Variants in ATRNL1 observed in about 807,000 individuals in gnomAD.
ATRNL1 encodes attractin-like protein 1.
A neutral mutation model predicts 182.7 loss-of-function variants in ATRNL1; 95 were observed. The ratio of observed to expected loss-of-function variants is 0.52; its 90% CI spans 0.44 to 0.62. The LOEUF (loss-of-function observed/expected upper bound fraction) is 0.62, where lower values mean the gene tolerates loss of function less well. Ranked by LOEUF, ATRNL1 falls within the 20% of genes least tolerant of loss-of-function variation. The probability of loss-of-function intolerance (pLI) is 0.00; values close to 1 mark genes in which losing one functional copy is unlikely to be tolerated. For missense variants in ATRNL1, 1,471 were observed against 1,679.5 expected (o/e 0.88, Z 2.17); for synonymous variants, 576 against 568.3 (o/e 1.01, Z -0.19).
intron 26 of ATRNL1, among the ~76,000 whole-genome samples, chr10:115,666,333 A>G (rs1860998429): frequency 6.6e-6 from 1 of 152,036 alleles, no homozygotes; most frequent in East Asian, 1.9e-4. Flanking sequence ...TGACTAGTTT[A>G]TTGTTGCTTT....
intron 4 of ATRNL1, 124 bp from the exon 5 acceptor site, chr10:115,129,203 T>C: frequency 1.5e-6 from 1 of 665,382 alleles, no homozygotes; most frequent in Non-Finnish European, 2.5e-6. Flanking sequence ...AACTACATTG[T>C]GAAATTCTGT....
chr10:115,111,410 C>T (rs555444312), intron 1 of ATRNL1, among the ~76,000 whole-genome samples: 4 of 152,302 alleles, frequency 2.6e-5, no homozygotes, highest in East Asian at 1.9e-4. Context: ...TTGTTTGGCT[C>T]ATGATTCTGC....
At chr10:115,506,335 C>A (rs1554981295) in intron 24 of ATRNL1, among the ~76,000 whole-genome samples, 1 of 151,118 alleles carries the variant, frequency 6.6e-6, no homozygotes, top group African/African-American at 2.4e-5. Flanking sequence ...ACAACAACAA[C>A]AAAAACAGTT....
At chr10:115,252,469 G>A (rs942659312) in intron 10 of ATRNL1, among the ~76,000 whole-genome samples, 31 of 152,196 alleles carry the variant, frequency 2.0e-4, no homozygotes, top group African/African-American at 7.2e-4. Flanking sequence ...TCTGCCCTGC[G>A]CCACAGGTCA....
chr10:115,140,425 C>T (rs1038495774), intron 5 of ATRNL1, among the ~76,000 whole-genome samples: 5 of 152,182 alleles, frequency 3.3e-5, no homozygotes, highest in Non-Finnish European at 7.4e-5. Context: ...CTCATGTCTA[C>T]TCAGAGAAAC....
chr10:115,187,987 A>C lies in ATRNL1; in HGVS notation c.1348+16695A>C, dbSNP rs1201925834. ...GAGCCACCGCACCCAGCTGGTTCTT[A>C]AGAAATACACACCAAAGTATTAAGG... On this transcript the variant is annotated intron_variant, in intron 8 of 28. Transcript: ENST00000355044. Among the ~76,000 whole-genome samples the C allele has an allele frequency of 4.0e-5, 6 of 150,098 alleles. No homozygotes were observed. In the East Asian group the frequency reaches 1.2e-3, roughly 30 times the overall value.
chr10:115,919,500 T>C (rs1555118157), intron 28 of ATRNL1, among the ~76,000 whole-genome samples: 1 of 152,052 alleles, frequency 6.6e-6, no homozygotes, highest in East Asian at 1.9e-4. Context: ...CATCAAAAAC[T>C]GCAAAATTTA....
At chr10:115,252,376 T>C (rs772938421) in intron 10 of ATRNL1, among the ~76,000 whole-genome samples, 28 of 152,220 alleles carry the variant, frequency 1.8e-4, no homozygotes, top group Non-Finnish European at 3.4e-4. Context: ...TCCTTAGCAG[T>C]CCCAGCATGT....
chr10:115,311,137 G>T (rs962024938), intron 17 of ATRNL1, among the ~76,000 whole-genome samples: 5 of 150,486 alleles, frequency 3.3e-5, no homozygotes. Context: ...TTTTGGAATT[G>T]ATTTCTAGTT....
intron 26 of ATRNL1, among the ~76,000 whole-genome samples, chr10:115,690,679 G>C (rs1427886381): frequency 6.6e-6 from 1 of 152,196 alleles, no homozygotes; most frequent in Non-Finnish European, 1.5e-5. Context: ...GGGATGTAGA[G>C]ATATGGGGGC....
chr10:115,549,843 C>T (rs1852863840), intron 26 of ATRNL1, among the ~76,000 whole-genome samples: 3 of 151,806 alleles, frequency 2.0e-5, no homozygotes, highest in African/African-American at 7.3e-5. Flanking sequence ...TTTAGTTATG[C>T]TATAAAGACA....
At chr10:115,252,019 T>TTTGTTG (rs371207632) in intron 10 of ATRNL1, among the ~76,000 whole-genome samples, 1 of 151,756 alleles carries the variant, frequency 6.6e-6, no homozygotes, top group South Asian at 2.1e-4. Context: ...GCTGTCTAGG[T>TTTGTTG]TTGTTGTTGT....
chr10:115,459,234 G>A (rs1172705301), intron 21 of ATRNL1, among the ~76,000 whole-genome samples: 1 of 152,132 alleles, frequency 6.6e-6, no homozygotes, highest in Non-Finnish European at 1.5e-5. Context: ...AATATGAAAT[G>A]TGGGCACCCT....
intron 25 of ATRNL1, among the ~76,000 whole-genome samples, chr10:115,531,525 T>C (rs1242739246): frequency 2.0e-5 from 3 of 151,408 alleles, no homozygotes; most frequent in East Asian, 3.9e-4. Flanking sequence ...ATTCTGGATA[T>C]TAGTCCTTTG....
At chr10:115,353,111 G>A (rs1554941897) in intron 19 of ATRNL1, among the ~76,000 whole-genome samples, 1 of 152,100 alleles carries the variant, frequency 6.6e-6, no homozygotes, top group Non-Finnish European at 1.5e-5. Context: ...TAAGTCTAAT[G>A]GTGCATTGTT....
intron 27 of ATRNL1, among the ~76,000 whole-genome samples, chr10:115,745,566 G>A (rs1343698273): frequency 6.6e-6 from 1 of 152,074 alleles, no homozygotes; most frequent in Non-Finnish European, 1.5e-5. Flanking sequence ...ATGCCATTTC[G>A]TATTTCTCCC....
chr10:115,835,333 C>T (rs1030990943), intron 27 of ATRNL1, among the ~76,000 whole-genome samples: 4 of 152,132 alleles, frequency 2.6e-5, no homozygotes, highest in Non-Finnish European at 5.9e-5. Context: ...TGAATGCCAA[C>T]TGTGAAGAAT....
intron 26 of ATRNL1, among the ~76,000 whole-genome samples, chr10:115,661,026 C>T (rs975808072): frequency 3.9e-5 from 6 of 152,038 alleles, no homozygotes; most frequent in Non-Finnish European, 7.4e-5. Flanking sequence ...TCATTATTAT[C>T]AATGTATATT....
intron 27 of ATRNL1, among the ~76,000 whole-genome samples, chr10:115,795,818 A>G (rs746734264): frequency 1.3e-5 from 2 of 152,250 alleles, no homozygotes; most frequent in Non-Finnish European, 2.9e-5. Flanking sequence ...ATCACCTCCC[A>G]CCAGGCCCCA....
Sources: gnomAD v4.1 joint callset for allele counts (sites outside exome capture counted in the v4.1 genomes callset) on GRCh38, gnomAD v4.1.1 for gene constraint, MANE v1.5 for transcripts, NCBI Gene and HGNC (gene_info 2026-07-23, HGNC 2026-07-21) for gene names.